LARP1: variants seen among roughly 807,000 people sequenced by gnomAD.
LARP1 encodes la-related protein 1.
LARP1 carries 36 observed loss-of-function variants against 122.7 expected under a neutral mutation model. The observed-to-expected ratio is 0.29, with a 90% CI of 0.22 to 0.39. The LOEUF is 0.39. LARP1 is among the 10% of genes least tolerant of loss of function. LARP1 has a pLI of 1.00. For missense variants in LARP1, 1,040 were observed against 1,403.6 expected, an observed-to-expected ratio of 0.74 and a Z score of 4.14; for synonymous variants, 539 against 528.7, an observed-to-expected ratio of 1.02 and a Z score of -0.27.
At chr5:154,725,657 C>T (rs1756163606) in intron 1 of LARP1, among the ~76,000 whole-genome samples, 1 of 152,092 alleles carries the variant, frequency 6.6e-6, no homozygotes, top group Non-Finnish European at 1.5e-5. Context: ...GTCACGATTC[C>T]AGAGGGATAA....
At chr5:154,692,788 G>A in intron 1 of LARP1, among the ~76,000 whole-genome samples, 1 of 152,156 alleles carries the variant, frequency 6.6e-6, no homozygotes, top group East Asian at 1.9e-4. Context: ...GAGTTTACTT[G>A]AGTCAAAGTG....
intron 14 of LARP1, chr5:154,804,965 T>C: frequency 2.2e-6 from 1 of 454,798 alleles, no homozygotes. Context: ...TGAAAATCCG[T>C]GTATAACTTT....
chr5:154,713,968 G>A (rs1177536814), intron 1 of LARP1, among the ~76,000 whole-genome samples: 1 of 152,214 alleles, frequency 6.6e-6, no homozygotes, highest in Non-Finnish European at 1.5e-5. Context: ...GGAATATATG[G>A]TAGATACCGC....
At chr5:154,713,156 T>C in intron 1 of LARP1, 1 of 1,591,592 alleles carries the variant, frequency 6.3e-7, no homozygotes. Context: ...CTGCGTTTCT[T>C]GAACCTCAGG....
intron 8 of LARP1, among the ~76,000 whole-genome samples, chr5:154,795,815 A>G (rs893717362): frequency 2.7e-5 from 3 of 109,958 alleles, no homozygotes. Flanking sequence ...TTGGCGCCAT[A>G]TATATATTTA....
In LARP1 at chr5:154,808,887, G is replaced by T. The variant is rs112506918; in HGVS notation, c.2843+284G>T. On this transcript the variant is annotated intron_variant, in intron 16 of 18. Coordinates refer to ENST00000518297, the MANE Select transcript of LARP1 (RefSeq NM_033551.3). ...TAGAATCTTGTGGGTCCTTTATAAA[G>T]GACCCTATGTAAGTAAGTAGACATC... 5.9e-3 allele frequency among the ~76,000 whole-genome samples: 902 copies of T among 152,236 alleles called. 9 individuals carry two copies. Among genetic ancestry groups the T allele is most frequent in the African/African-American group, 0.021 (865 of 41,538 alleles).
At chr5:154,811,162 T>C in intron 16 of LARP1, 85 bp from the exon 17 acceptor site, 1 of 985,654 alleles carries the variant, frequency 1.0e-6, no homozygotes, top group Non-Finnish European at 1.6e-6. Context: ...GTTTAAACTG[T>C]TTCATAGTTC....
Position 154,702,294 on chromosome 5 carries a change from G to A in LARP1, c.-180+19257G>A, listed in dbSNP as rs535015609. Among the ~76,000 whole-genome samples the A allele has an allele frequency of 2.0e-5, 3 of 152,270 alleles. No homozygotes were observed. The East Asian group carries it at 5.8e-4, about 29-fold the overall frequency. Reference sequence around the variant, plus strand: ...CAAGTGGCCAGGTGCGGTGGCTCATGCCTGTAATCCCAGTGCTTTGGGAGG... The same window carrying A: ...CAAGTGGCCAGGTGCGGTGGCTCATACCTGTAATCCCAGTGCTTTGGGAGG... On this transcript the variant is annotated intron_variant, in intron 1 of 18. Transcript: ENST00000687700.
chr5:154,723,994 G>A (rs6580113), intron 1 of LARP1, among the ~76,000 whole-genome samples: 1 of 151,996 alleles, frequency 6.6e-6, no homozygotes, highest in Non-Finnish European at 1.5e-5. Context: ...CCCCAACCCT[G>A]CCTTCATGGG....
At chr5:154,749,213 T>C (rs1753355107) in intron 1 of LARP1, among the ~76,000 whole-genome samples, 1 of 152,020 alleles carries the variant, frequency 6.6e-6, no homozygotes, top group Non-Finnish European at 1.5e-5. Context: ...GTACAGTTAG[T>C]GAGGAAGCCC....
chr5:154,766,457 G>C (rs1754961279), intron 1 of LARP1, among the ~76,000 whole-genome samples: 2 of 152,224 alleles, frequency 1.3e-5, no homozygotes, highest in African/African-American at 4.8e-5. Flanking sequence ...CTTAGGGGTA[G>C]AGAGTGGCCG....
At chr5:154,766,188 C>A (rs1366719894) in intron 1 of LARP1, among the ~76,000 whole-genome samples, 1 of 152,186 alleles carries the variant, frequency 6.6e-6, no homozygotes, top group Non-Finnish European at 1.5e-5. Context: ...GCAGTCCTGC[C>A]TTGTAATCTG....
At chr5:154,744,283 C>T (rs1313171025) in intron 1 of LARP1, among the ~76,000 whole-genome samples, 1 of 152,174 alleles carries the variant, frequency 6.6e-6, no homozygotes, top group Admixed American at 6.5e-5. Context: ...AGGAAGGCTT[C>T]CCTGACTACC....
chr5:154,754,971 G>A (rs564923174), upstream of LARP1, among the ~76,000 whole-genome samples: 15 of 152,304 alleles, frequency 9.8e-5, no homozygotes, highest in African/African-American at 3.6e-4. Context: ...AGGCCGCGTG[G>A]CCGGGTCCCA....
chr5:154,702,304 C>T (rs1754755468), intron 1 of LARP1, among the ~76,000 whole-genome samples: 1 of 152,084 alleles, frequency 6.6e-6, no homozygotes, highest in African/African-American at 2.4e-5. Context: ...GCCTGTAATC[C>T]CAGTGCTTTG....
intron 1 of LARP1, among the ~76,000 whole-genome samples, chr5:154,701,795 A>T (rs912106629): frequency 1.3e-5 from 2 of 151,464 alleles, no homozygotes; most frequent in African/African-American, 2.4e-5. Flanking sequence ...CTAATTTTTT[A>T]TATTTTTAGT....
rs112172634 is a variant in LARP1, at chr5:154,739,928, G to GT, written c.205+26799dup. On this transcript the variant is annotated intron_variant, in intron 1 of 18. Coordinates refer to the LARP1 transcript ENST00000336314. The stretch of plus-strand genomic sequence containing the variant: ...TAAAACCACTAGCAAGCAAGGTGTG[G>GT]TGGCTCATGCCTGTAATCCCAGCAC... 1.0e-3 allele frequency among the ~76,000 whole-genome samples: 152 copies of GT among 152,174 alleles called. 1 individual carries two copies. The highest frequency in any genetic ancestry group is 3.6e-3 in the African/African-American group (148 of 41,526).
chr5:154,696,474 A>G (rs1394012791), intron 1 of LARP1, among the ~76,000 whole-genome samples: 1 of 152,240 alleles, frequency 6.6e-6, no homozygotes, highest in Non-Finnish European at 1.5e-5. Flanking sequence ...CTCTGAATGC[A>G]AAATGATAAT....
intron 1 of LARP1, among the ~76,000 whole-genome samples, chr5:154,692,811 G>T (rs1754284594): frequency 6.6e-6 from 1 of 152,086 alleles, no homozygotes; most frequent in Non-Finnish European, 1.5e-5. Context: ...GACAGCTGCT[G>T]AGAAGACTCA....
Sources: gnomAD v4.1 joint callset for allele counts (sites outside exome capture counted in the v4.1 genomes callset) on GRCh38, gnomAD v4.1.1 for gene constraint, MANE v1.5 for transcripts, NCBI Gene and HGNC (gene_info 2026-07-23, HGNC 2026-07-21) for gene names.